Variants in SLC17A1 observed in about 807,000 individuals in gnomAD.
SLC17A1 encodes the protein sodium-dependent phosphate transport protein 1.
Under a neutral mutation model 53.5 loss-of-function variants are expected in SLC17A1, and 51 were observed. The ratio of observed to expected loss-of-function variants is 0.95; its 90% CI spans 0.76 to 1.20. SLC17A1 has a LOEUF of 1.20. Among genes scored for constraint, SLC17A1 ranks in the 50% most tolerant of loss-of-function variants. SLC17A1 has a pLI of 0.00. For synonymous variants in SLC17A1, 179 were observed against 198.8 expected, an observed-to-expected ratio of 0.90 and a Z score of 0.84; for missense variants, 538 against 568.2, an observed-to-expected ratio of 0.95 and a Z score of 0.54.
At chr6:25,820,775 T>A in intron 3 of SLC17A1, among the ~76,000 whole-genome samples, 1 of 151,674 alleles carries the variant, frequency 6.6e-6, no homozygotes, top group Non-Finnish European at 1.5e-5. Flanking sequence ...TGCAGGCACC[T>A]GTAGTCCCAG....
At chr6:25,773,688 A>G in the SLC17A1 span, 1 of 1,609,954 alleles carries the variant, frequency 6.2e-7, no homozygotes, top group Non-Finnish European at 8.5e-7. Flanking sequence ...AGTACAGAGA[A>G]AGCTCATTCT....
At chr6:25,728,428 G>T in the SLC17A1 span, among the ~76,000 whole-genome samples, 1 of 152,140 alleles carries the variant, frequency 6.6e-6, no homozygotes, top group East Asian at 1.9e-4. Context: ...GAAACCTGTG[G>T]TTAGCTGGAA....
chr6:25,798,866 C>A lies in SLC17A1; in HGVS notation c.1323G>T (p.Val441=). The A allele has an allele frequency of 6.2e-7, 1 of 1,609,532 alleles. No individual in the cohort carries two copies. The highest frequency in any genetic ancestry group is 8.5e-7 in the Non-Finnish European group (1 of 1,176,980). Residue 441 remains valine, a synonymous_variant, in exon 12 of 13, where the codon GTG becomes GTT. Transcript: ENST00000244527. ...KTFILMAAIN[V]TGLIFYLIVA... The stretch of plus-strand genomic sequence containing the variant: ...CTATAAGGTAGAAAATTAGGCCAGT[C>A]ACATTAATGGCTGCCATCAGGATGA...
chr6:25,811,893 A>T, intron 8 of SLC17A1, 123 bp from the exon 9 acceptor site: 1 of 1,026,674 alleles, frequency 9.7e-7, no homozygotes, highest in Non-Finnish European at 1.4e-6. Context: ...AATCATCAAC[A>T]TACAACAACA....
At chr6:25,725,550 T>C in the SLC17A1 span, among the ~76,000 whole-genome samples, 1 of 152,194 alleles carries the variant, frequency 6.6e-6, no homozygotes, top group African/African-American at 2.4e-5. Flanking sequence ...CCTCTCCTGC[T>C]TGTAATGCAA....
chr6:25,774,335 A>C, the SLC17A1 span, among the ~76,000 whole-genome samples: 1 of 152,204 alleles, frequency 6.6e-6, no homozygotes, highest in African/African-American at 2.4e-5. Context: ...ATCAGATTTC[A>C]TAACATGTTA....
the SLC17A1 span, chr6:25,726,577 T>C: frequency 1.3e-6 from 2 of 1,561,640 alleles, no homozygotes; most frequent in Non-Finnish European, 1.7e-6. Context: ...CTAGGGCTGC[T>C]ACTGGGCCTA....
At chr6:25,733,851 G>C in the SLC17A1 span, among the ~76,000 whole-genome samples, 3 of 146,294 alleles carry the variant, frequency 2.1e-5, no homozygotes, top group Admixed American at 6.8e-5. Flanking sequence ...ACAGAGTATT[G>C]CTCTGTCGCC....
At position 25,805,719 on chromosome 6, in the gene SLC17A1, A is replaced by G. The variant is rs545550674; in HGVS notation, c.1179-4739T>C. Among the ~76,000 whole-genome samples, 10 of 152,218 alleles carry G rather than the reference A, an allele frequency of 6.6e-5. No homozygotes were observed. In the South Asian group the frequency reaches 2.1e-3, roughly 32 times the overall value. ...TAATACTACAGAAATACAAAAGACC[A>G]TTAGAGACTACTATGAACACCTCTA... On this transcript the variant is annotated intron_variant, in intron 10 of 12. Transcript: ENST00000244527.
chr6:25,751,598 C>A, the SLC17A1 span, among the ~76,000 whole-genome samples: 2 of 152,128 alleles, frequency 1.3e-5, no homozygotes, highest in African/African-American at 4.8e-5. Context: ...AAACTGGGCC[C>A]CTAAGTGAGG....
the SLC17A1 span, chr6:25,732,644 C>G: frequency 8.7e-6 from 11 of 1,270,896 alleles, no homozygotes; most frequent in South Asian, 8.2e-5. Context: ...GCAACGCCGT[C>G]GGAACAAGAA....
chr6:25,756,735 A>G, the SLC17A1 span, among the ~76,000 whole-genome samples: 1 of 152,196 alleles, frequency 6.6e-6, no homozygotes, highest in African/African-American at 2.4e-5. Context: ...TTCTTCAGTC[A>G]TGCAGGAGAT....
the SLC17A1 span, among the ~76,000 whole-genome samples, chr6:25,728,854 G>A: frequency 6.6e-6 from 1 of 152,128 alleles, no homozygotes; most frequent in Non-Finnish European, 1.5e-5. Context: ...AACAAGACCC[G>A]TTAAAATAAG....
At chr6:25,746,672 G>A in the SLC17A1 span, among the ~76,000 whole-genome samples, 1 of 152,114 alleles carries the variant, frequency 6.6e-6, no homozygotes, top group African/African-American at 2.4e-5. Context: ...ATTTAGCCAT[G>A]GTCAACTATA....
At chr6:25,825,951 A>G (rs1381629077) in intron 3 of SLC17A1, among the ~76,000 whole-genome samples, 1 of 151,930 alleles carries the variant, frequency 6.6e-6, no homozygotes, top group African/African-American at 2.4e-5. Context: ...ATTCTTTGTT[A>G]TAATTTCCTT....
At chr6:25,813,258 T>A in intron 6 of SLC17A1, 45 bp from the exon 7 acceptor site, 1 of 1,461,020 alleles carries the variant, frequency 6.8e-7, no homozygotes, top group Non-Finnish European at 9.6e-7. Context: ...CTGTTTGTAG[T>A]GGATCTCTTT....
chr6:25,733,806 ATGTGTGTGTGTGTG>A, the SLC17A1 span, among the ~76,000 whole-genome samples: 1 of 133,882 alleles, frequency 7.5e-6, no homozygotes, highest in African/African-American at 2.8e-5. Flanking sequence ...GTGTGTGTGT[ATGTGTGTGTGTGTG>A]TGTGTGTGTG....
the SLC17A1 span, among the ~76,000 whole-genome samples, chr6:25,759,893 A>C: frequency 2.0e-5 from 3 of 152,242 alleles, no homozygotes; most frequent in Non-Finnish European, 2.9e-5. Flanking sequence ...AAATATCTGC[A>C]TTTAACTATG....
At chr6:25,800,756 A>G in intron 11 of SLC17A1, 134 bp downstream of exon 11, 1 of 607,122 alleles carries the variant, frequency 1.6e-6, no homozygotes, top group East Asian at 2.8e-5. Context: ...TGATTTGACC[A>G]AATTTATTTT....
Sources: gnomAD v4.1 joint callset for allele counts (sites outside exome capture counted in the v4.1 genomes callset) on GRCh38, gnomAD v4.1.1 for gene constraint, MANE v1.5 for transcripts, NCBI Gene and HGNC (gene_info 2026-07-23, HGNC 2026-07-21) for gene names.